Variants in AGO2 observed in about 807,000 individuals in gnomAD.
AGO2 encodes the protein argonaute RISC catalytic component 2.
A neutral mutation model predicts 102.3 loss-of-function variants in AGO2; 5 were observed. The observed-to-expected ratio is 0.05, with a 90% CI of 0.03 to 0.10. The LOEUF is 0.10. Ranked by LOEUF, AGO2 falls within the 10% of genes least tolerant of loss-of-function variation. AGO2 has a pLI of 1.00. For missense variants in AGO2, 541 were observed against 1,183.7 expected (o/e 0.46, Z 7.97); for synonymous variants, 449 against 473.1 (o/e 0.95, Z 0.66).
At chr8:140,542,750 C>T (rs925567135) in intron 14 of AGO2, among the ~76,000 whole-genome samples, 5 of 152,202 alleles carry the variant, frequency 3.3e-5, no homozygotes, top group African/African-American at 1.2e-4. Flanking sequence ...CGGGGGGTCC[C>T]CTCTGTGCCC....
chr8:140,639,354 G>A (rs192240155), upstream of AGO2, among the ~76,000 whole-genome samples: 6 of 152,126 alleles, frequency 3.9e-5, no homozygotes, highest in South Asian at 2.1e-4. Context: ...GGTGGCACGC[G>A]CCTGTAGTCC....
intron 5 of AGO2, 81 bp downstream of exon 5, chr8:140,560,293 T>C: frequency 6.4e-7 from 1 of 1,553,214 alleles, no homozygotes. Context: ...GCTGGCCACA[T>C]GCCACCCCCC....
At chr8:140,555,772 G>T in intron 10 of AGO2, 124 bp downstream of exon 10, 1 of 1,339,702 alleles carries the variant, frequency 7.5e-7, no homozygotes, top group Non-Finnish European at 9.9e-7. Context: ...GCTCAGCCGG[G>T]AGTAGAAAGG....
Position 140,567,582 on chromosome 8 carries a change from C to T in AGO2, c.337-4948G>A, listed in dbSNP as rs576691623. 4.6e-5 allele frequency among the ~76,000 whole-genome samples: 7 copies of T among 152,334 alleles called. No homozygotes were observed. In the South Asian group the frequency reaches 1.0e-3, roughly 23 times the overall value. ...GGCACTGGTGCCAATTGTGTTGCAG[C>T]GCTACAATCTGGGAGTGGCCCAACT... is the stretch of plus-strand genomic sequence containing the variant. On this transcript the variant is annotated intron_variant, in intron 3 of 18. Coordinates refer to ENST00000220592, the MANE Select transcript of AGO2 (RefSeq NM_012154.5). This position sits in a 1 kb window ranked among gnomAD's most constrained non-coding sequence, Gnocchi z 5.0.
chr8:140,627,524 C>T (rs2074292843), intron 1 of AGO2, among the ~76,000 whole-genome samples: 1 of 152,208 alleles, frequency 6.6e-6, no homozygotes, highest in African/African-American at 2.4e-5. Context: ...AACAACATTG[C>T]CCTGAGTTAC....
At chr8:140,544,129 C>T in intron 14 of AGO2, 84 bp downstream of exon 14, 1 of 1,423,048 alleles carries the variant, frequency 7.0e-7, no homozygotes, top group Admixed American at 2.7e-5. Flanking sequence ...CAGGAAGGAC[C>T]CCTGGCCACG....
intron 1 of AGO2, among the ~76,000 whole-genome samples, chr8:140,616,772 G>C (rs562137401): frequency 2.6e-5 from 4 of 152,322 alleles, no homozygotes; most frequent in East Asian, 1.9e-4. Context: ...CAGGGGGAGA[G>C]AGCTCACTGC....
intron 1 of AGO2, among the ~76,000 whole-genome samples, chr8:140,634,962 G>GC (rs2074386599): frequency 6.6e-6 from 1 of 151,908 alleles, no homozygotes; most frequent in East Asian, 1.9e-4. Flanking sequence ...GACCGGCGCA[G>GC]CCCCCTCCCC....
chr8:140,560,297 A>AC lies in AGO2; in HGVS notation c.655+76dup, dbSNP rs958152472. On this transcript the variant is annotated intron_variant, in intron 5 of 18. Transcript: ENST00000220592. ...CCATGCGTGGAGCTGGCCACATGCC[A>AC]CCCCCCGACCGGGGTCCTGACCCCC... The AC allele has an allele frequency of 8.4e-6, 13 of 1,556,154 alleles. No individual in the cohort carries two copies. In the African/African-American group the frequency reaches 1.5e-4, roughly 18 times the overall value.
chr8:140,630,444 A>T (rs1342550922), intron 1 of AGO2, among the ~76,000 whole-genome samples: 1 of 152,244 alleles, frequency 6.6e-6, no homozygotes, highest in African/African-American at 2.4e-5. Context: ...CCAAGAACAA[A>T]GAGTGGTTTC....
chr8:140,571,926 G>T (rs1224434214), intron 3 of AGO2, among the ~76,000 whole-genome samples: 1 of 152,044 alleles, frequency 6.6e-6, no homozygotes, highest in Non-Finnish European at 1.5e-5. Context: ...TAGAGACGGG[G>T]TTTCACCATA....
chr8:140,539,198 C>G lies in AGO2; in HGVS notation c.2169+122G>C. The G allele has an allele frequency of 7.2e-7, 1 of 1,394,284 alleles. No individual in the cohort carries two copies. Among genetic ancestry groups the G allele is most frequent in the Non-Finnish European group, 9.6e-7 (1 of 1,041,996 alleles). 86.4% of individuals were successfully genotyped at this position (1,394,284 alleles called of 1,614,324 possible). A position where few individuals can be genotyped will look rare whatever the true frequency, so the allele number is the denominator to read the frequency against. On this transcript the variant is annotated intron_variant, in intron 16 of 18. Transcript: ENST00000220592. This position sits in a 1 kb window ranked among gnomAD's most constrained non-coding sequence, Gnocchi z 4.7. Reference sequence around the variant, plus strand: ...GGTCCCCATGAAGCCCCTTAGAGGACAGAGTCACCCTAGAGCCTGGGACAG... The same window carrying G: ...GGTCCCCATGAAGCCCCTTAGAGGAGAGAGTCACCCTAGAGCCTGGGACAG...
chr8:140,544,139 G>T, intron 14 of AGO2, 74 bp downstream of exon 14: 1 of 1,452,072 alleles, frequency 6.9e-7, no homozygotes. Context: ...CCCTGGCCAC[G>T]CTGTGACAGT....
At position 140,549,311 on chromosome 8, in the gene AGO2, G is replaced by A. The variant is rs1249384552; in HGVS notation, c.1404-13C>T. 1 of 1,579,448 alleles carries A rather than the reference G, an allele frequency of 6.3e-7. No homozygotes were observed. Among genetic ancestry groups the A allele is most frequent in the Non-Finnish European group, 8.7e-7 (1 of 1,155,860 alleles). ...CTCTGTGAAGGACCTGCAGGAGAAG[G>A]CTCCGTTCACTACCGGGCACTGGGA... is the stretch of plus-strand genomic sequence containing the variant. On this transcript the variant is annotated splice_polypyrimidine_tract_variant and intron_variant, in intron 11 of 18. Transcript: ENST00000220592.
intron 16 of AGO2, among the ~76,000 whole-genome samples, chr8:140,538,037 C>A (rs1240788745): frequency 2.6e-5 from 4 of 152,166 alleles, no homozygotes; most frequent in Non-Finnish European, 5.9e-5. Context: ...CCAGGCTGGT[C>A]TCGGTCTCCT....
chr8:140,603,284 G>A (rs889452253), intron 1 of AGO2, among the ~76,000 whole-genome samples: 12 of 152,206 alleles, frequency 7.9e-5, no homozygotes, highest in African/African-American at 2.2e-4. Context: ...CGGAGTGCGT[G>A]GTGCCTCCAC....
chr8:140,541,796 G>A (rs1013624815), intron 14 of AGO2, among the ~76,000 whole-genome samples: 18 of 152,130 alleles, frequency 1.2e-4, no homozygotes, highest in Middle Eastern at 3.4e-3. Flanking sequence ...CTAGCTACTC[G>A]GGAGGCTGAG....
intron 1 of AGO2, among the ~76,000 whole-genome samples, chr8:140,607,489 TATATATATATATATATATATATATATAC>T (rs1287619468): frequency 0.21 from 4,428 of 21,562 alleles, 343 homozygotes; most frequent in South Asian, 0.32. Context: ...TATATATATA[TATATATATATATATATATATATATATAC>T]ACACACACAC....
rs575313960 is a variant in AGO2 at position 140,538,079 on chromosome 8, C to T, written c.2169+1241G>A. Among the ~76,000 whole-genome samples, 166 of 152,346 alleles carry T rather than the reference C, an allele frequency of 1.1e-3. No individual in the cohort carries two copies. The Middle Eastern group carries it at 0.014, about 12-fold the overall frequency. ...AGGTGACCCACCTGCCTCGGCCTCC[C>T]AAAGTGCCAGGATTACAGGCGTGAG... On this transcript the variant is annotated intron_variant, in intron 16 of 18. Coordinates refer to ENST00000220592, the MANE Select transcript of AGO2 (RefSeq NM_012154.5).
Sources: gnomAD v4.1 joint callset for allele counts (sites outside exome capture counted in the v4.1 genomes callset) on GRCh38, gnomAD v4.1.1 for gene constraint, Gnocchi (gnomAD v3.1) non-coding constraint, MANE v1.5 for transcripts, NCBI Gene and HGNC (gene_info 2026-07-23, HGNC 2026-07-21) for gene names.